ARAP2: variants seen among roughly 807,000 people sequenced by gnomAD.
ARAP2 encodes ArfGAP with RhoGAP domain, ankyrin repeat and PH domain 2, also known as arf-GAP with Rho-GAP domain, ANK repeat and PH domain-containing protein 2.
A neutral mutation model predicts 194.5 loss-of-function variants in ARAP2; 148 were observed. The observed-to-expected ratio is 0.76, with a 90% CI of 0.67 to 0.87. The LOEUF is 0.87. Among genes scored for constraint, ARAP2 ranks in the 40% least tolerant of loss-of-function variants. The probability of loss-of-function intolerance (pLI) is 0.00; values close to 1 mark genes in which losing one functional copy is unlikely to be tolerated. For synonymous variants in ARAP2, 695 were observed against 683.5 expected, an observed-to-expected ratio of 1.02 and a Z score of -0.26; for missense variants, 2,128 against 1,989.7, an observed-to-expected ratio of 1.07 and a Z score of -1.32.
At chr4:36,085,082 G>T (rs546686769) in intron 28 of ARAP2, among the ~76,000 whole-genome samples, 31 of 151,960 alleles carry the variant, frequency 2.0e-4, no homozygotes, top group Non-Finnish European at 2.6e-4. Context: ...GCGGTGAACA[G>T]TTTATCCATG....
Position 36,147,733 on chromosome 4 carries a change from A to T in ARAP2, c.3014T>A (p.Leu1005Ter). Reference protein sequence around the residue: ...TEAIAKHFVPLFAENLTEADY... With the variant: ...TEAIAKHFVP Reference sequence around the variant, plus strand: ...AGCTTCTGTTAAGTTTTCAGCAAATAAGGGAACAAAATGCTGTTAAAACAA... The same window carrying T: ...AGCTTCTGTTAAGTTTTCAGCAAATTAGGGAACAAAATGCTGTTAAAACAA... Residue 1005 changes from leucine to a stop codon, truncating the protein, a stop_gained, in exon 18 of 33, where the codon TTA (leucine) becomes TAA (stop). Transcript: ENST00000303965. LOFTEE classifies it high-confidence loss of function. 3 of 1,606,744 alleles carry T rather than the reference A, an allele frequency of 1.9e-6. No individual in the cohort carries two copies. Among genetic ancestry groups the T allele is most frequent in the Non-Finnish European group, 2.5e-6 (3 of 1,177,772 alleles).
At chr4:36,069,668 A>G (rs1726343706) in intron 32 of ARAP2, among the ~76,000 whole-genome samples, 1 of 152,080 alleles carries the variant, frequency 6.6e-6, no homozygotes, top group Admixed American at 6.6e-5. Flanking sequence ...AAACTTTGGG[A>G]CTCTCTTAGA....
intron 2 of ARAP2, among the ~76,000 whole-genome samples, chr4:36,056,983 T>C (rs1321838476): frequency 7.9e-5 from 12 of 152,198 alleles, no homozygotes; most frequent in African/African-American, 2.9e-4. Flanking sequence ...TCTTTAGTTT[T>C]ACTGCATTTT....
At chr4:36,138,755 G>T (rs1389420174) in intron 19 of ARAP2, among the ~76,000 whole-genome samples, 2 of 151,640 alleles carry the variant, frequency 1.3e-5, no homozygotes, top group Admixed American at 1.3e-4. Flanking sequence ...GTATAGTTAA[G>T]TGTAAACCAA....
At chr4:36,099,500 A>AAG in intron 27 of ARAP2, among the ~76,000 whole-genome samples, 1 of 152,222 alleles carries the variant, frequency 6.6e-6, no homozygotes, top group South Asian at 2.1e-4. Context: ...GCTATAAAGG[A>AAG]AGAGAAAATT....
intron 7 of ARAP2, among the ~76,000 whole-genome samples, chr4:36,192,713 T>A (rs556651388): frequency 4.6e-4 from 70 of 152,306 alleles, no homozygotes; most frequent in African/African-American, 1.7e-3. Flanking sequence ...AAACAGCTTT[T>A]AAGGCTGGTC....
intron 7 of ARAP2, among the ~76,000 whole-genome samples, chr4:36,189,509 C>T (rs1741385632): frequency 6.6e-6 from 1 of 152,082 alleles, no homozygotes; most frequent in Non-Finnish European, 1.5e-5. Flanking sequence ...ACTTATTCCG[C>T]CTCTCTAGCT....
At chr4:36,078,026 T>C (rs1728644311) in intron 31 of ARAP2, among the ~76,000 whole-genome samples, 2 of 152,142 alleles carry the variant, frequency 1.3e-5, no homozygotes, top group Non-Finnish European at 2.9e-5. Flanking sequence ...ATGCTCTCCT[T>C]ACCTGCCATA....
rs1751027376 is a variant in ARAP2 at position 36,229,548 on chromosome 4, A to G, written c.-62T>C. ...TGGCACGATGAGACACACACACAAG[A>G]AGATGTACTTCTCTACTGGCTTTTC... On this transcript the variant is annotated 5_prime_UTR_variant, in exon 2 of 33. Transcript: ENST00000303965. 1 of 1,301,812 alleles carries G rather than the reference A, an allele frequency of 7.7e-7. No homozygotes were observed. Among genetic ancestry groups the G allele is most frequent in the Admixed American group, 2.2e-5 (1 of 45,734 alleles). The allele number at this position is 1,301,812 out of a possible 1,614,324, so 80.6% of individuals were successfully genotyped here. A position where few individuals can be genotyped will look rare whatever the true frequency, so the allele number is the denominator to read the frequency against.
chr4:36,008,023 A>G (rs940567659), intron 9 of ARAP2, among the ~76,000 whole-genome samples: 6 of 152,176 alleles, frequency 3.9e-5, no homozygotes, highest in Non-Finnish European at 5.9e-5. Flanking sequence ...ATTACAAAAC[A>G]CTGAAGAAAG....
intron 26 of ARAP2, among the ~76,000 whole-genome samples, chr4:36,111,667 T>C (rs989115748): frequency 2.0e-5 from 3 of 152,066 alleles, no homozygotes; most frequent in African/African-American, 7.2e-5. Context: ...GCATTGTATA[T>C]ACTAATTATC....
intron 27 of ARAP2, among the ~76,000 whole-genome samples, chr4:36,100,597 T>C (rs576187125): frequency 1.3e-5 from 2 of 152,122 alleles, no homozygotes; most frequent in South Asian, 2.1e-4. Context: ...GAATTGATTG[T>C]ATAGATGTAT....
chr4:36,020,612 A>G lies in ARAP2; in HGVS notation n.608-1326T>C, dbSNP rs1577558490. Among the ~76,000 whole-genome samples the G allele has an allele frequency of 5.3e-5, 8 of 152,292 alleles. 1 individual carries two copies. The South Asian group carries it at 1.5e-3, about 28-fold the overall frequency. On this transcript the variant is annotated intron_variant and non_coding_transcript_variant, in intron 5 of 12. Transcript: ENST00000503225. ...CTACTCAGAATGATGCACAATTTAA[A>G]AGTTATGATTTGTTTATTTCTGCAT...
rs540738688 is a variant in ARAP2 at position 36,181,930 on chromosome 4, G to T, written c.1679-3925C>A. On this transcript the variant is annotated intron_variant, in intron 8 of 32. Transcript: ENST00000303965. ...TACATAAGAAGCCTCAGAAGAAGGG[G>T]ATGGTTAGCCAAAAGCCTGATGGGA... 3.9e-5 allele frequency among the ~76,000 whole-genome samples: 6 copies of T among 152,282 alleles called. No individual in the cohort carries two copies. In the East Asian group the frequency reaches 9.6e-4, roughly 24 times the overall value.
intron 21 of ARAP2, among the ~76,000 whole-genome samples, chr4:36,126,268 C>T (rs1047243290): frequency 1.3e-5 from 2 of 151,968 alleles, no homozygotes; most frequent in Non-Finnish European, 2.9e-5. Flanking sequence ...GGAGAAATTG[C>T]ATTTATTCCT....
intron 1 of ARAP2, among the ~76,000 whole-genome samples, chr4:36,239,944 T>C (rs542961322): frequency 1.6e-4 from 24 of 152,290 alleles, no homozygotes; most frequent in African/African-American, 5.8e-4. Flanking sequence ...CTTCCCTGCC[T>C]ATCCCATCCC....
chr4:36,218,493 C>A (rs538187922), intron 2 of ARAP2, among the ~76,000 whole-genome samples: 254 of 151,884 alleles, frequency 1.7e-3, no homozygotes, highest in African/African-American at 5.8e-3. Context: ...CAACCTATAG[C>A]AATGAGGAAA....
intron 7 of ARAP2, among the ~76,000 whole-genome samples, chr4:36,192,817 T>G (rs760077740): frequency 2.5e-4 from 38 of 152,134 alleles, no homozygotes; most frequent in Non-Finnish European, 4.9e-4. Flanking sequence ...GCCAACATGG[T>G]GAAACCTTGT....
At chr4:36,229,891 G>C (rs188425267) in intron 1 of ARAP2, among the ~76,000 whole-genome samples, 1 of 152,270 alleles carries the variant, frequency 6.6e-6, no homozygotes, top group East Asian at 1.9e-4. Context: ...ACTGACACAT[G>C]TACTGAATGA....
Sources: allele counts gnomAD v4.1 joint callset (sites outside exome capture counted in the v4.1 genomes callset), GRCh38; gene constraint gnomAD v4.1.1; transcripts MANE v1.5; gene names NCBI Gene and HGNC (gene_info 2026-07-23, HGNC 2026-07-21).